The following CHD3 variants were observed in gnomAD, a reference collection of about 807,000 sequenced individuals.
CHD3 encodes the protein chromodomain helicase DNA binding protein 3.
Under a neutral mutation model 248.9 loss-of-function variants are expected in CHD3, and 52 were observed. The ratio of observed to expected loss-of-function variants is 0.21; its 90% confidence interval spans 0.17 to 0.26. The LOEUF (loss-of-function observed/expected upper bound fraction) is 0.26. CHD3 is among the 10% of genes least tolerant of loss of function. The pLI, the probability that CHD3 is intolerant of heterozygous loss-of-function variation, is 1.00. For missense variants in CHD3, 1,482 were observed against 2,605.8 expected, an observed-to-expected ratio of 0.57 and a Z score of 9.39; for synonymous variants, 985 against 985.2, an observed-to-expected ratio of 1.00 and a Z score of 0.00.
Position 7,905,881 on chromosome 17 carries a change from G to A in CHD3, c.4250G>A (p.Arg1417Gln). The A allele has an allele frequency of 2.5e-6, 4 of 1,614,156 alleles. No homozygotes were observed. The highest frequency in any genetic ancestry group is 3.4e-6 in the Non-Finnish European group (4 of 1,180,040). The stretch of plus-strand genomic sequence containing the variant: ...GTGCTGGGCTTCAACACCCGTCAGC[G>A]GAAGGCTTTCCTCAATGCTGTGATG... ...IEVLGFNTRQ[R>Q]KAFLNAVMRW... Residue 1417 changes from arginine (R) to glutamine (Q), a missense_variant, in exon 28 of 40, where the codon CGG becomes CAG. Around this residue, in one of 20 missense-constraint regions of CHD3, gnomAD observed 156 missense variants for 420.3 expected, o/e 0.37. Transcript: ENST00000330494. The surrounding 1 kb of genome is among the most constrained non-coding windows in gnomAD (Gnocchi z 5.8).
chr17:7,902,209 T>A (rs888511555), intron 20 of CHD3, among the ~76,000 whole-genome samples: 6 of 151,742 alleles, frequency 4.0e-5, no homozygotes, highest in Non-Finnish European at 5.9e-5. Flanking sequence ...TCACTTGAGG[T>A]CAGGAGTTTC....
chr17:7,902,767 C>T (rs1328538927), intron 21 of CHD3, 40 bp downstream of exon 21: 2 of 1,597,214 alleles, frequency 1.3e-6, no homozygotes, highest in Non-Finnish European at 1.7e-6. Flanking sequence ...TGTGGGAGGC[C>T]TGAGAAACCT....
rs372837121 is a variant in CHD3 at position 7,905,440 on chromosome 17, T to C, written c.4139-181T>C. ...GATATCAGCTGTTAATTTTAAAATA[T>C]GACTGGTTCTTTTAGACTTAGTGGG... is the stretch of plus-strand genomic sequence containing the variant. On this transcript the variant is annotated intron_variant, in intron 26 of 39. Transcript: ENST00000330494. The surrounding 1 kb of genome is among the most constrained non-coding windows in gnomAD (Gnocchi z 5.8). Among the ~76,000 whole-genome samples the C allele has an allele frequency of 2.0e-5, 3 of 152,224 alleles. No individual in the cohort carries two copies. The highest frequency in any genetic ancestry group is 4.8e-5 in the African/African-American group (2 of 41,448).
In CHD3 at chr17:7,890,957, A is replaced by G. The variant is rs745437593; in HGVS notation, c.402A>G (p.Ser134=). 1.2e-6 allele frequency: 2 copies of G among 1,614,144 alleles called. No individual in the cohort carries two copies. The highest frequency in any genetic ancestry group is 2.7e-5 in the African/African-American group (2 of 75,032). Residue 134 remains serine, a synonymous_variant, in exon 4 of 40, where the codon TCA becomes TCG. Transcript: ENST00000330494. ...TCCCGCAGCAAGTGGAACAGAAGTC[A>G]TCAGCAACTCTGCTTCTGACCTGGG... ...DGGQKQVEQK[S]SATLLLTWGL...
rs775301861 is a variant in CHD3 at position 7,894,242 on chromosome 17, G to C, written c.1052G>C (p.Arg351Pro). 6.2e-7 allele frequency: 1 copy of C among 1,614,128 alleles called. No individual in the cohort carries two copies. The highest frequency in any genetic ancestry group is 1.1e-5 in the South Asian group (1 of 91,072). Residue 351 changes from arginine (R) to proline (P), a missense_variant, in exon 7 of 40, where the codon CGG becomes CCG. Arg to Pro is a moderately radical substitution (Grantham distance 103). Transcript: ENST00000330494. ...CGCACCAAGAAACTAAAGAGAGGCC[G>C]GCCAGGAAGGAAGAAGAAGAAGGGT... ...PVRTKKLKRG[R>P]PGRKKKKVLG...
Position 7,907,932 on chromosome 17 carries a change from C to T in CHD3, c.5065C>T (p.Arg1689Ter). The change falls in exon 34 of 40, where the codon CGA becomes TGA. Residue 1689 changes from arginine to a stop codon, truncating the protein, a stop_gained. Coordinates refer to ENST00000330494, the MANE Select transcript of CHD3 (RefSeq NM_001005273.3). LOFTEE classifies it high-confidence loss of function. The surrounding 1 kb of genome is among the most constrained non-coding windows in gnomAD (Gnocchi z 4.3). ...TGACCGGGAGCTTCGACCAGGGCCT[C>T]GAGATGAGCCACGGTCCAATGGGCG... Reference protein sequence around the residue: ...KGDRELRPGPRDEPRSNGRRE... With the variant: ...KGDRELRPGP 2 of 1,612,834 alleles carry T rather than the reference C, an allele frequency of 1.2e-6. No individual in the cohort carries two copies. Among genetic ancestry groups the T allele is most frequent in the Non-Finnish European group, 1.7e-6 (2 of 1,179,110 alleles).
chr17:7,907,209 GAGA>G lies in CHD3; in HGVS notation c.4755_4757del (p.Lys1585del). The G allele has an allele frequency of 6.2e-7, 1 of 1,614,250 alleles. No individual in the cohort carries two copies. The highest frequency in any genetic ancestry group is 8.5e-7 in the Non-Finnish European group (1 of 1,180,028). ...AGCTGAAAACCAGGAGGAAAAGCCA[GAGA>G]AGAACAGCAGAATTGGGGAGAAGAT... On this transcript the variant is annotated inframe_deletion, in exon 31 of 40. Coordinates refer to ENST00000330494, the MANE Select transcript of CHD3 (RefSeq NM_001005273.3). This position sits in a 1 kb window ranked among gnomAD's most constrained non-coding sequence, Gnocchi z 4.3.
chr17:7,901,313 C>T lies in CHD3; in HGVS notation c.3190C>T (p.Leu1064=). 6.2e-7 allele frequency: 1 copy of T among 1,613,962 alleles called. No homozygotes were observed. The highest frequency in any genetic ancestry group is 8.5e-7 in the Non-Finnish European group (1 of 1,179,898). The change falls in exon 20 of 40, where the codon CTG becomes TTG. Residue 1064 remains leucine (L), a synonymous_variant. Transcript: ENST00000330494. The stretch of plus-strand genomic sequence containing the variant: ...TATTAAGTCGTCTGGGAAGCTCATG[C>T]TGCTCCAGAAGATGCTGCGAAAGCT... The part of the protein sequence containing the change: ...ALIKSSGKLM[L]LQKMLRKLKE...
In CHD3 at chr17:7,906,100, C is replaced by A; in HGVS notation, c.4358+111C>A. The A allele has an allele frequency of 6.9e-7, 1 of 1,459,678 alleles. No individual in the cohort carries two copies. The highest frequency in any genetic ancestry group is 9.5e-7 in the Non-Finnish European group (1 of 1,050,186). 90.4% of individuals were successfully genotyped at this position (1,459,678 alleles called of 1,614,324 possible). ...TGACCTTACTCAACTGATTATCACC[C>A]TCCCTGTCATACAATACTTCCTGGC... On this transcript the variant is annotated intron_variant, in intron 28 of 39. Transcript: ENST00000330494. This position sits in a 1 kb window ranked among gnomAD's most constrained non-coding sequence, Gnocchi z 5.0.
At position 7,907,651 on chromosome 17, in the gene CHD3, C is replaced by T; in HGVS notation, c.4975C>T (p.Gln1659Ter). 6.5e-7 allele frequency: 1 copy of T among 1,533,378 alleles called. No individual in the cohort carries two copies. The highest frequency in any genetic ancestry group is 8.7e-7 in the Non-Finnish European group (1 of 1,147,110). 95.0% of individuals were successfully genotyped at this position (1,533,378 alleles called of 1,614,324 possible). Residue 1659 changes from glutamine (Q) to a stop codon, truncating the protein, a stop_gained, in exon 33 of 40, where the codon CAG becomes TAG. Transcript: ENST00000330494. LOFTEE classifies it high-confidence loss of function. This position sits in a 1 kb window ranked among gnomAD's most constrained non-coding sequence, Gnocchi z 4.3. ...GGGGGAGGAGAAGCCGTTGGATGGA[C>T]AGGAACACAGGGAGAGGCCGGAGGG... ...ERGEEKPLDG[Q>*]EHRERPEGET...
At chr17:7,893,151 G>T in intron 4 of CHD3, 135 bp from the exon 5 acceptor site, 25 of 1,217,598 alleles carry the variant, frequency 2.1e-5, no homozygotes, top group South Asian at 1.4e-4. Context: ...TTTTTAAATG[G>T]CTGTTTTTCC....
intron 20 of CHD3, among the ~76,000 whole-genome samples, chr17:7,901,777 C>T (rs1242764895): frequency 1.3e-5 from 2 of 152,028 alleles, no homozygotes; most frequent in Admixed American, 6.6e-5. Context: ...TCCCAAAGTG[C>T]TGGGATTACT....
At position 7,899,551 on chromosome 17, in the gene CHD3, C is replaced by T. The variant is rs534370609; in HGVS notation, c.2544+8C>T. 1.9e-6 allele frequency: 3 copies of T among 1,611,244 alleles called. No individual in the cohort carries two copies. Among genetic ancestry groups the T allele is most frequent in the Admixed American group, 3.3e-5 (2 of 59,988 alleles). ...AAAGCTTTTAAGATGAAGGTAAGAC[C>T]CTCTACCTCATATCCTCTGAGACCC... On this transcript the variant is annotated splice_region_variant and intron_variant, in intron 15 of 39. Transcript: ENST00000330494. The surrounding 1 kb of genome is among the most constrained non-coding windows in gnomAD (Gnocchi z 6.8).
upstream of CHD3, among the ~76,000 whole-genome samples, chr17:7,887,943 C>G (rs1465603862): frequency 6.6e-6 from 1 of 152,252 alleles, no homozygotes; most frequent in Non-Finnish European, 1.5e-5. Flanking sequence ...CGGGAACCTC[C>G]CGCTGGGGTG....
At position 7,912,161 on chromosome 17, in the gene CHD3, GC is replaced by G. The variant is rs1309784410; in HGVS notation, c.*577del. On this transcript the variant is annotated 3_prime_UTR_variant, in exon 40 of 40. Transcript: ENST00000330494. ...GCAGTTATGAGGGAGGAAGTCAACT[GC>G]TGTTCAGCCTCAGAATAAAGGTGCC... 1.0e-5 allele frequency: 2 copies of G among 195,970 alleles called. No individual in the cohort carries two copies. The highest frequency in any genetic ancestry group is 1.2e-4 in the Admixed American group (2 of 17,210). The allele number at this position is 195,970 out of a possible 1,614,324, so 12.1% of individuals were successfully genotyped here.
At chr17:7,892,334 A>G (rs983129327) in intron 4 of CHD3, among the ~76,000 whole-genome samples, 1 of 152,214 alleles carries the variant, frequency 6.6e-6, no homozygotes, top group Non-Finnish European at 1.5e-5. Flanking sequence ...AATGCAGAGA[A>G]TCATAGCAAC....
chr17:7,910,863 C>T lies in CHD3; in HGVS notation c.5771C>T (p.Pro1924Leu). Residue 1924 changes from proline (P) to leucine (L), a missense_variant, in exon 39 of 40, where the codon CCC (proline) becomes CTC (leucine). Physicochemically the swap from Pro to Leu is moderately conservative, Grantham distance 98. Transcript: ENST00000330494. The surrounding 1 kb of genome is among the most constrained non-coding windows in gnomAD (Gnocchi z 4.7). ...PHPTPAYPPG[P>L]YATPPGYGAA... ...CTGTTCCAGGCCTACCCGCCGGGTC[C>T]CTACGCTACACCTCCGGGGTACGGG... 6.2e-7 allele frequency: 1 copy of T among 1,607,486 alleles called. No homozygotes were observed. The highest frequency in any genetic ancestry group is 8.5e-7 in the Non-Finnish European group (1 of 1,177,946).
chr17:7,905,540 C>A lies in CHD3; in HGVS notation c.4139-81C>A. ...ACAGGAATGTTCCTGTGTTGTGTAT[C>A]TTGTGGGAATGGGGTGCTAAGGAGG... On this transcript the variant is annotated intron_variant, in intron 26 of 39. Transcript: ENST00000330494. The surrounding 1 kb of genome is among the most constrained non-coding windows in gnomAD (Gnocchi z 5.8). 1 of 1,054,352 alleles carries A rather than the reference C, an allele frequency of 9.5e-7. No homozygotes were observed. Among genetic ancestry groups the A allele is most frequent in the Admixed American group, 2.7e-5 (1 of 37,496 alleles). 65.3% of individuals were successfully genotyped at this position (1,054,352 alleles called of 1,614,324 possible). A position where few individuals can be genotyped will look rare whatever the true frequency, so the allele number is the denominator to read the frequency against.
chr17:7,907,202 A>G lies in CHD3; in HGVS notation c.4743A>G (p.Glu1581=). 6.2e-7 allele frequency: 1 copy of G among 1,614,246 alleles called. No individual in the cohort carries two copies. The highest frequency in any genetic ancestry group is 1.1e-5 in the South Asian group (1 of 91,088). ...AGGAGGAAGCTGAAAACCAGGAGGA[A>G]AAGCCAGAGAAGAACAGCAGAATTG... ...LEKEEAENQE[E]KPEKNSRIGE... Residue 1581 remains glutamate (E), a synonymous_variant, in exon 31 of 40, where the codon GAA becomes GAG. Coordinates refer to ENST00000330494, the MANE Select transcript of CHD3 (RefSeq NM_001005273.3). The surrounding 1 kb of genome is among the most constrained non-coding windows in gnomAD (Gnocchi z 4.3).
Sources: allele counts gnomAD v4.1 joint callset (sites outside exome capture counted in the v4.1 genomes callset), GRCh38; gene constraint gnomAD v4.1.1; regional missense constraint gnomAD v4.1.1; non-coding constraint Gnocchi (gnomAD v3.1); transcripts MANE v1.5; gene names NCBI Gene and HGNC (gene_info 2026-07-23, HGNC 2026-07-21).